ADGRA1: variants seen among roughly 807,000 people sequenced by gnomAD.
ADGRA1 encodes the protein G-protein coupled receptor 123.
A neutral mutation model predicts 21.3 loss-of-function variants in ADGRA1; 12 were observed. The ratio of observed to expected loss-of-function variants is 0.56; its 90% confidence interval spans 0.36 to 0.91. The LOEUF is 0.91. Among genes scored for constraint, ADGRA1 ranks in the 40% least tolerant of loss-of-function variants. The pLI, the probability that ADGRA1 is intolerant of heterozygous loss-of-function variation, is 0.01. For missense variants in ADGRA1, 790 were observed against 805.6 expected, an observed-to-expected ratio of 0.98 and a Z score of 0.23; for synonymous variants, 385 against 368.8, an observed-to-expected ratio of 1.04 and a Z score of -0.50.
intron 4 of ADGRA1, among the ~76,000 whole-genome samples, chr10:133,101,523 T>C (rs888690461): frequency 2.4e-4 from 37 of 152,210 alleles, no homozygotes; most frequent in Non-Finnish European, 1.0e-4. Context: ...GTACACCTTC[T>C]TGTGACCCCC....
At chr10:133,089,393 C>T (rs1446261016) in intron 2 of ADGRA1, among the ~76,000 whole-genome samples, 2 of 152,186 alleles carry the variant, frequency 1.3e-5, no homozygotes, top group Admixed American at 6.5e-5. Context: ...GGAGAGAAGG[C>T]GGCCGCGCAC....
intron 5 of ADGRA1, among the ~76,000 whole-genome samples, chr10:133,114,828 G>A (rs7904467): frequency 4.6e-4 from 70 of 152,286 alleles, no homozygotes; most frequent in African/African-American, 1.6e-3. Context: ...TCTGCTGCCC[G>A]GTCCTGCTCC....
intron 5 of ADGRA1, among the ~76,000 whole-genome samples, chr10:133,112,778 T>TTTGGGGTCTGCGGGCCGC (rs1467598954): frequency 9.6e-6 from 1 of 104,006 alleles, no homozygotes; most frequent in Non-Finnish European, 1.9e-5. Context: ...CTGTAAGCTA[T>TTTGGGGTCTGCGGGCCGC]GTCGGTTATT....
chr10:133,104,740 C>G (rs3117449), intron 5 of ADGRA1, among the ~76,000 whole-genome samples: 1,995 of 152,282 alleles, frequency 0.013, 30 homozygotes, highest in Non-Finnish European at 0.021. Context: ...CCCCAGCCGC[C>G]CCCCCGGTGT....
chr10:133,121,080 C>A (rs1852244973), intron 5 of ADGRA1, among the ~76,000 whole-genome samples: 1 of 152,236 alleles, frequency 6.6e-6, no homozygotes, highest in South Asian at 2.1e-4. Context: ...CCACTAAGTT[C>A]ACCGTCTTAT....
At position 133,098,775 on chromosome 10, in the gene ADGRA1, G is replaced by A. The variant is rs1339797808; in HGVS notation, c.255+12G>A. Reference sequence around the variant, plus strand: ...TCCTGTGCCAGGCGGTGAGTGCCGGGGCGCCCTCGTTGGCTCCTCCCAGAG... The same window carrying A: ...TCCTGTGCCAGGCGGTGAGTGCCGGAGCGCCCTCGTTGGCTCCTCCCAGAG... On this transcript the variant is annotated intron_variant, in intron 4 of 6. Coordinates refer to ENST00000392607, the MANE Select transcript of ADGRA1 (RefSeq NM_001083909.3). 3 of 1,607,774 alleles carry A rather than the reference G, an allele frequency of 1.9e-6. No homozygotes were observed. The South Asian group carries it at 3.3e-5, about 18-fold the overall frequency.
intron 2 of ADGRA1, chr10:133,093,356 AT>A: frequency 1.4e-6 from 2 of 1,421,322 alleles, no homozygotes; most frequent in South Asian, 2.7e-5. Flanking sequence ...GACCCACTTG[AT>A]TTGCAGAACA....
chr10:133,110,213 A>G (rs1016274768), intron 5 of ADGRA1, among the ~76,000 whole-genome samples: 3 of 152,250 alleles, frequency 2.0e-5, no homozygotes, highest in Admixed American at 2.0e-4. Flanking sequence ...CTCCAGCAGC[A>G]AAATGCAGCA....
intron 5 of ADGRA1, among the ~76,000 whole-genome samples, chr10:133,107,352 T>C (rs548848206): frequency 6.6e-6 from 1 of 152,352 alleles, no homozygotes; most frequent in East Asian, 1.9e-4. Flanking sequence ...TGCCTAATTG[T>C]GCTGGCTACA....
At chr10:133,126,908 C>T (rs970254643) in intron 5 of ADGRA1, among the ~76,000 whole-genome samples, 1 of 152,116 alleles carries the variant, frequency 6.6e-6, no homozygotes, top group Non-Finnish European at 1.5e-5. Flanking sequence ...CACGCTGCCC[C>T]GGGGAGCAGT....
intron 5 of ADGRA1, among the ~76,000 whole-genome samples, chr10:133,109,334 C>A (rs957518859): frequency 6.6e-6 from 1 of 152,056 alleles, no homozygotes; most frequent in East Asian, 1.9e-4. Context: ...CTGACCCCAG[C>A]GGGCCTCCAG....
At position 133,102,881 on chromosome 10, in the gene ADGRA1, G is replaced by A. The variant is rs749298623; in HGVS notation, c.401+39G>A. 5.0e-6 allele frequency: 8 copies of A among 1,584,600 alleles called. No homozygotes were observed. In the Admixed American group the frequency reaches 1.2e-4, roughly 23 times the overall value. On this transcript the variant is annotated intron_variant, in intron 5 of 6. Transcript: ENST00000392607. ...ATGGGCGCGAGGCCCCGCCACCTGG[G>A]CCCTGGACGCTGCATGCACCTTCTG...
intron 5 of ADGRA1, among the ~76,000 whole-genome samples, chr10:133,106,820 C>A (rs1851901896): frequency 6.6e-6 from 1 of 152,238 alleles, no homozygotes; most frequent in Admixed American, 6.5e-5. Context: ...CACACAGTCT[C>A]ACCCCCGCGG....
chr10:133,098,824 G>T (rs1168093725), intron 4 of ADGRA1, 61 bp downstream of exon 4: 7 of 1,558,006 alleles, frequency 4.5e-6, no homozygotes, highest in Admixed American at 1.9e-5. Flanking sequence ...GCGTCGTCTT[G>T]TTTACTAAAT....
At chr10:133,099,003 A>G (rs1279866348) in intron 4 of ADGRA1, among the ~76,000 whole-genome samples, 1 of 152,116 alleles carries the variant, frequency 6.6e-6, no homozygotes, top group Non-Finnish European at 1.5e-5. Context: ...TACTGTCCCC[A>G]AAAGGTGCAC....
chr10:133,095,149 G>A lies in ADGRA1; in HGVS notation c.4-1825G>A, dbSNP rs188625630. Reference sequence around the variant, plus strand: ...GTCCCTGGGCTGATCTCTGGGGGAAGCAGGAGCCCCAGCTGGAGCTCGGAC... The same window carrying A: ...GTCCCTGGGCTGATCTCTGGGGGAAACAGGAGCCCCAGCTGGAGCTCGGAC... On this transcript the variant is annotated intron_variant, in intron 2 of 6. Transcript: ENST00000392607. Among the ~76,000 whole-genome samples the A allele has an allele frequency of 2.0e-5, 3 of 152,310 alleles. No individual in the cohort carries two copies. In the East Asian group the frequency reaches 5.8e-4, roughly 29 times the overall value.
At chr10:133,127,817 G>A (rs1225660138) in intron 6 of ADGRA1, among the ~76,000 whole-genome samples, 3 of 32,042 alleles carry the variant, frequency 9.4e-5, no homozygotes, top group Non-Finnish European at 1.2e-4. Context: ...CTCCACCTCC[G>A]CCTGGCCCCG....
intron 5 of ADGRA1, among the ~76,000 whole-genome samples, chr10:133,121,955 G>A (rs1393806232): frequency 6.8e-6 from 1 of 147,786 alleles, no homozygotes; most frequent in Non-Finnish European, 1.5e-5. Flanking sequence ...GTGTGCTTGT[G>A]TGAGTGTGCA....
intron 4 of ADGRA1, 50 bp from the exon 5 acceptor site, chr10:133,102,647 T>C: frequency 6.4e-7 from 1 of 1,571,784 alleles, no homozygotes; most frequent in Admixed American, 1.8e-5. Context: ...TGCTGGGCTC[T>C]GGGGGGTGGG....
Sources: gnomAD v4.1 joint callset for allele counts (sites outside exome capture counted in the v4.1 genomes callset) on GRCh38, gnomAD v4.1.1 for gene constraint, MANE v1.5 for transcripts, NCBI Gene and HGNC (gene_info 2026-07-23, HGNC 2026-07-21) for gene names.